The following DCHS2 variants were observed in gnomAD, a reference collection of about 807,000 sequenced individuals.
DCHS2 encodes protocadherin-23.
DCHS2 carries 142 observed loss-of-function variants against 182.4 expected under a neutral mutation model. The observed-to-expected ratio is 0.78, with a 90% CI of 0.68 to 0.89. The LOEUF (loss-of-function observed/expected upper bound fraction) is 0.89, where lower values mean the gene tolerates loss of function less well. Among genes scored for constraint, DCHS2 ranks in the 40% least tolerant of loss-of-function variants. The pLI, the probability that DCHS2 is intolerant of heterozygous loss-of-function variation, is 0.00. For missense variants in DCHS2, 4,319 were observed against 4,198.6 expected (o/e 1.03, Z -0.79); for synonymous variants, 1,740 against 1,663.3 (o/e 1.05, Z -1.12).
intron 10 of DCHS2, among the ~76,000 whole-genome samples, chr4:154,313,633 A>C (rs142942073): frequency 2.4e-4 from 37 of 152,246 alleles, no homozygotes; most frequent in African/African-American, 8.0e-4. Context: ...ATAATCAAAA[A>C]AGAAAAAAAA....
At chr4:154,463,265 A>G (rs1014989505) in intron 1 of DCHS2, among the ~76,000 whole-genome samples, 2 of 152,040 alleles carry the variant, frequency 1.3e-5, no homozygotes, top group African/African-American at 4.8e-5. Flanking sequence ...CATTCAGAAT[A>G]TATCAGCACA....
At chr4:154,453,748 C>T (rs34135432) in intron 1 of DCHS2, among the ~76,000 whole-genome samples, 4,561 of 152,250 alleles carry the variant, frequency 0.03, 112 homozygotes, top group Non-Finnish European at 0.042. Context: ...TCCCTTGTCC[C>T]TGTGTCCTTC....
chr4:154,430,404 C>G (rs1238723605), intron 1 of DCHS2, among the ~76,000 whole-genome samples: 1 of 152,114 alleles, frequency 6.6e-6, no homozygotes. Flanking sequence ...CAAAAGCACT[C>G]CCCAGGAACA....
At chr4:154,265,559 G>T (rs1392536069) in intron 14 of DCHS2, among the ~76,000 whole-genome samples, 1 of 152,162 alleles carries the variant, frequency 6.6e-6, no homozygotes, top group Non-Finnish European at 1.5e-5. Context: ...CAAGGAGATT[G>T]CTCGAGTTCA....
At chr4:154,433,021 C>G (rs1039988461) in intron 1 of DCHS2, among the ~76,000 whole-genome samples, 1 of 152,134 alleles carries the variant, frequency 6.6e-6, no homozygotes, top group Non-Finnish European at 1.5e-5. Context: ...TCATAAACTC[C>G]GGTACCTGTG....
intron 6 of DCHS2, among the ~76,000 whole-genome samples, 176 bp downstream of exon 6, chr4:154,329,347 T>A (rs961605699): frequency 3.3e-5 from 5 of 152,252 alleles, no homozygotes; most frequent in African/African-American, 1.2e-4. Context: ...TATATTCATT[T>A]ACTTTTTAAA....
At chr4:154,430,274 G>A (rs1733505047) in intron 1 of DCHS2, among the ~76,000 whole-genome samples, 2 of 152,090 alleles carry the variant, frequency 1.3e-5, no homozygotes. Context: ...TGAAATATTA[G>A]GCCATACCCT....
chr4:154,406,437 C>T (rs1732404687), intron 1 of DCHS2, among the ~76,000 whole-genome samples: 1 of 152,224 alleles, frequency 6.6e-6, no homozygotes, highest in Admixed American at 6.5e-5. Flanking sequence ...TCCTGCTCTG[C>T]CTATTGTCCA....
At chr4:154,456,886 G>A (rs1363016519) in intron 1 of DCHS2, among the ~76,000 whole-genome samples, 1 of 151,990 alleles carries the variant, frequency 6.6e-6, no homozygotes, top group Non-Finnish European at 1.5e-5. Flanking sequence ...AACTGTTATT[G>A]CCATATGGGA....
At chr4:154,343,659 A>G (rs1729216300) in intron 3 of DCHS2, 2 of 1,462,246 alleles carry the variant, frequency 1.4e-6, no homozygotes. Flanking sequence ...ATATTTAAAA[A>G]GAGTTAGGAC....
intron 16 of DCHS2, among the ~76,000 whole-genome samples, chr4:154,253,087 G>A (rs1435693799): frequency 7.2e-6 from 1 of 138,260 alleles, no homozygotes; most frequent in East Asian, 2.5e-4. Context: ...GCCACAGCAG[G>A]TGTTGTGCGG....
chr4:154,488,886 ATGTGTGTGTGTGTG>A (rs748997852), intron 1 of DCHS2, among the ~76,000 whole-genome samples: 1 of 117,916 alleles, frequency 8.5e-6, no homozygotes, highest in East Asian at 3.4e-4. Context: ...AAATATATAT[ATGTGTGTGTGTGTG>A]TCTGTGTGTG....
At chr4:154,456,375 C>G (rs896757950) in intron 1 of DCHS2, among the ~76,000 whole-genome samples, 1 of 152,264 alleles carries the variant, frequency 6.6e-6, no homozygotes, top group South Asian at 2.1e-4. Flanking sequence ...GATCTGAGCT[C>G]CTTTAGACTC....
intron 14 of DCHS2, 57 bp from the exon 15 acceptor site, chr4:154,259,813 T>A: frequency 6.8e-7 from 1 of 1,473,130 alleles, no homozygotes; most frequent in Non-Finnish European, 9.0e-7. Context: ...ATTCTTTTAT[T>A]TTTTATTTTA....
In DCHS2 at chr4:154,465,301, C is replaced by T. The variant is rs570998023; in HGVS notation, c.2052+24003G>A. The stretch of plus-strand genomic sequence containing the variant: ...CTCACTGTGTGGGTTCACCATAGGG[C>T]TGCTCTCAATGTGCTTCTCCCAGAG... On this transcript the variant is annotated intron_variant, in intron 1 of 19. Transcript: ENST00000357232. Among the ~76,000 whole-genome samples, 207 of 152,272 alleles carry T rather than the reference C, an allele frequency of 1.4e-3. 1 individual carries two copies. The highest frequency in any genetic ancestry group is 4.9e-3 in the African/African-American group (202 of 41,554).
At position 154,232,642 on chromosome 4, in the gene DCHS2, G is replaced by A. The variant is rs1731247478; in HGVS notation, c.*1894C>T. 6.6e-6 allele frequency: 1 copy of A among 152,016 alleles called. No individual in the cohort carries two copies. Among genetic ancestry groups the A allele is most frequent in the Non-Finnish European group, 1.5e-5 (1 of 67,990 alleles). 9.4% of individuals were successfully genotyped at this position (152,016 alleles called of 1,614,324 possible). On this transcript the variant is annotated 3_prime_UTR_variant, in exon 20 of 20. Transcript: ENST00000357232. ...TTCCATATATAATTAGGAAAATATAGTATAGGGTTTCTTTCTATGCTCAAA... is the reference window on the plus strand; with the variant it reads ...TTCCATATATAATTAGGAAAATATAATATAGGGTTTCTTTCTATGCTCAAA...
chr4:154,305,412 C>T (rs1185875226), intron 10 of DCHS2, among the ~76,000 whole-genome samples, 181 bp from the exon 11 acceptor site: 3 of 152,202 alleles, frequency 2.0e-5, no homozygotes, highest in Admixed American at 2.0e-4. Context: ...ATAAAAGCCT[C>T]ATGGGCTGAA....
At chr4:154,311,450 G>A (rs1204419872) in intron 10 of DCHS2, among the ~76,000 whole-genome samples, 1 of 151,510 alleles carries the variant, frequency 6.6e-6, no homozygotes, top group East Asian at 1.9e-4. Context: ...GCCCAAGCTG[G>A]TCTTGAACTC....
Position 154,321,102 on chromosome 4 carries a change from G to A in DCHS2, c.4297C>T (p.Gln1433Ter), listed in dbSNP as rs778272327. Residue 1433 changes from glutamine to a stop codon, truncating the protein, a stop_gained, in exon 9 of 20, where the codon CAA becomes TAA. Coordinates refer to ENST00000357232, the MANE Select transcript of DCHS2 (RefSeq NM_001358235.2). LOFTEE classifies it high-confidence loss of function. ...SLIKSSDHLQ[Q>*]HYNGKLHFSI... is the part of the protein sequence containing the mutation. ...AAATGTAACTTTCCATTATAATGTT[G>A]TTGAAGGTGATCAGATGACTTTATC... 2 of 1,607,826 alleles carry A rather than the reference G, an allele frequency of 1.2e-6. No individual in the cohort carries two copies.
Sources: allele counts gnomAD v4.1 joint callset (sites outside exome capture counted in the v4.1 genomes callset), GRCh38; gene constraint gnomAD v4.1.1; transcripts MANE v1.5; gene names NCBI Gene and HGNC (gene_info 2026-07-23, HGNC 2026-07-21).